Variants in CNTNAP2 observed in about 807,000 individuals in gnomAD.
CNTNAP2 encodes contactin associated protein 2.
Under a neutral mutation model 155.2 loss-of-function variants are expected in CNTNAP2, and 98 were observed. That is an observed-to-expected ratio of 0.63 (90% confidence interval 0.54 to 0.75). The LOEUF is 0.75. Ranked by LOEUF, CNTNAP2 falls within the 30% of genes least tolerant of loss-of-function variation. CNTNAP2 has a pLI of 0.00. For missense variants in CNTNAP2, 1,727 were observed against 1,688.1 expected (o/e 1.02, Z -0.40); for synonymous variants, 651 against 631.2 (o/e 1.03, Z -0.47).
At chr7:146,978,275 A>T (rs1362646372) in intron 3 of CNTNAP2, among the ~76,000 whole-genome samples, 8 of 152,158 alleles carry the variant, frequency 5.3e-5, no homozygotes, top group African/African-American at 1.9e-4. Context: ...ACTGCAAGTG[A>T]TAAGGTGGTT....
intron 12 of CNTNAP2, among the ~76,000 whole-genome samples, chr7:147,618,032 A>G (rs1056739452): frequency 8.5e-5 from 13 of 152,240 alleles, no homozygotes; most frequent in African/African-American, 3.1e-4. Flanking sequence ...TTGAATCAGG[A>G]TAATACCATT....
intron 14 of CNTNAP2, among the ~76,000 whole-genome samples, chr7:147,905,294 G>C (rs948781193): frequency 6.6e-6 from 1 of 152,172 alleles, no homozygotes; most frequent in Non-Finnish European, 1.5e-5. Flanking sequence ...AGTGGGAACA[G>C]AGCCCCAGCT....
At chr7:147,330,859 A>G (rs1795551169) in intron 9 of CNTNAP2, among the ~76,000 whole-genome samples, 2 of 152,182 alleles carry the variant, frequency 1.3e-5, no homozygotes, top group African/African-American at 2.4e-5. Flanking sequence ...ACGCTTATCA[A>G]ATTTACAGAT....
At chr7:147,903,051 G>T (rs2710116) in intron 13 of CNTNAP2, among the ~76,000 whole-genome samples, 5 of 151,816 alleles carry the variant, frequency 3.3e-5, no homozygotes, top group Non-Finnish European at 7.4e-5. Flanking sequence ...GAATCTCCAC[G>T]CTGTTTTCCA....
At chr7:148,395,519 C>A (rs1195324591) in intron 22 of CNTNAP2, among the ~76,000 whole-genome samples, 3 of 152,150 alleles carry the variant, frequency 2.0e-5, no homozygotes, top group African/African-American at 4.8e-5. Context: ...AAAGCCTTCC[C>A]ACATCACTGA....
At position 146,172,169 on chromosome 7, in the gene CNTNAP2, A is replaced by G. The variant is rs534401969; in HGVS notation, c.97+55196A>G. On this transcript the variant is annotated intron_variant, in intron 1 of 23. Transcript: ENST00000361727. ...ACCTACCATCCTTGTATTTCTTACAATTTGCTTCTGAAAATACCTATTTCT... is the reference window on the plus strand; with the variant it reads ...ACCTACCATCCTTGTATTTCTTACAGTTTGCTTCTGAAAATACCTATTTCT... Among the ~76,000 whole-genome samples the G allele has an allele frequency of 9.2e-5, 14 of 151,484 alleles. No individual in the cohort carries two copies. The South Asian group carries it at 1.7e-3, about 18-fold the overall frequency.
chr7:147,762,933 G>C (rs1797327932), intron 13 of CNTNAP2, among the ~76,000 whole-genome samples: 2 of 152,030 alleles, frequency 1.3e-5, no homozygotes, highest in African/African-American at 4.8e-5. Context: ...GCAACTTTAG[G>C]CATCTCAAAA....
chr7:147,787,729 AC>A (rs1240494637), intron 13 of CNTNAP2, among the ~76,000 whole-genome samples: 1 of 152,166 alleles, frequency 6.6e-6, no homozygotes, highest in African/African-American at 2.4e-5. Context: ...CATTAGTAAG[AC>A]TTTTTTCATT....
intron 8 of CNTNAP2, among the ~76,000 whole-genome samples, chr7:147,144,259 A>C (rs1457288852): frequency 1.3e-5 from 2 of 152,226 alleles, no homozygotes; most frequent in Non-Finnish European, 2.9e-5. Context: ...AGAAAAACAT[A>C]AACTTTAGAG....
chr7:147,733,099 T>A lies in CNTNAP2; in HGVS notation c.2098+93793T>A, dbSNP rs1192845927. The stretch of plus-strand genomic sequence containing the variant: ...TGCTTTTGGTGTTTTAGACATGAAG[T>A]CCTTGCCCATGCCTATGTCCTGAAT... On this transcript the variant is annotated intron_variant, in intron 13 of 23. Transcript: ENST00000361727. Among the ~76,000 whole-genome samples, 4 of 152,344 alleles carry A rather than the reference T, an allele frequency of 2.6e-5. 1 individual carries two copies. Among genetic ancestry groups the A allele is most frequent in the African/African-American group, 9.6e-5 (4 of 41,592 alleles).
chr7:146,618,103 T>G (rs1007551887), intron 1 of CNTNAP2, among the ~76,000 whole-genome samples: 2 of 152,186 alleles, frequency 1.3e-5, no homozygotes, highest in African/African-American at 4.8e-5. Flanking sequence ...TCATCATTCC[T>G]TGAATCTTCA....
chr7:146,286,220 G>C (rs1217079017), intron 1 of CNTNAP2, among the ~76,000 whole-genome samples: 1 of 151,040 alleles, frequency 6.6e-6, no homozygotes, highest in Non-Finnish European at 1.5e-5. Context: ...TTTGTCACTT[G>C]GGAGAATTAT....
intron 12 of CNTNAP2, among the ~76,000 whole-genome samples, chr7:147,574,298 C>T (rs760782625): frequency 2.0e-5 from 3 of 151,892 alleles, no homozygotes; most frequent in Admixed American, 6.6e-5. Flanking sequence ...TTTTTTCTGA[C>T]CTTCACAGCT....
intron 13 of CNTNAP2, among the ~76,000 whole-genome samples, chr7:147,723,531 G>C (rs1214837579): frequency 6.6e-6 from 1 of 151,736 alleles, no homozygotes; most frequent in East Asian, 1.9e-4. Flanking sequence ...TCTCTTTGCA[G>C]ACTGATAGAC....
At chr7:147,649,139 G>A (rs1795412164) in intron 13 of CNTNAP2, among the ~76,000 whole-genome samples, 1 of 152,090 alleles carries the variant, frequency 6.6e-6, no homozygotes, top group Non-Finnish European at 1.5e-5. Context: ...TACTAAAAGG[G>A]TACTGCTAGT....
At chr7:147,872,832 C>T (rs916821475) in intron 13 of CNTNAP2, among the ~76,000 whole-genome samples, 2 of 151,828 alleles carry the variant, frequency 1.3e-5, no homozygotes, top group Admixed American at 6.6e-5. Flanking sequence ...GCTATAAATG[C>T]CAAACAAGAG....
At chr7:146,976,619 G>A (rs997483373) in intron 3 of CNTNAP2, among the ~76,000 whole-genome samples, 2 of 152,186 alleles carry the variant, frequency 1.3e-5, no homozygotes, top group African/African-American at 4.8e-5. Flanking sequence ...AAGCTTCCAT[G>A]CCCTCTTTGG....
At chr7:148,002,304 C>T (rs940212402) in intron 15 of CNTNAP2, among the ~76,000 whole-genome samples, 1 of 152,128 alleles carries the variant, frequency 6.6e-6, no homozygotes, top group Non-Finnish European at 1.5e-5. Context: ...TCATCAGGAA[C>T]TTCATAAAGC....
intron 1 of CNTNAP2, among the ~76,000 whole-genome samples, chr7:146,752,539 T>C (rs1801924063): frequency 6.6e-6 from 1 of 152,200 alleles, no homozygotes; most frequent in African/African-American, 2.4e-5. Context: ...GATGGGTAGA[T>C]TGCAAAAATT....
Sources: allele counts gnomAD v4.1 joint callset (sites outside exome capture counted in the v4.1 genomes callset), GRCh38; gene constraint gnomAD v4.1.1; transcripts MANE v1.5; gene names NCBI Gene and HGNC (gene_info 2026-07-23, HGNC 2026-07-21).